BCL11A: variants seen among roughly 807,000 people sequenced by gnomAD.
BCL11A encodes the protein BCL11 transcription factor A, also known as B cell CLL/lymphoma 11A.
A neutral mutation model predicts 55.9 loss-of-function variants in BCL11A; 2 were observed. The observed-to-expected ratio is 0.04, with a 90% CI of 0.01 to 0.11. BCL11A has a LOEUF of 0.11. Among genes scored for constraint, BCL11A ranks in the 10% least tolerant of loss-of-function variants. BCL11A has a pLI of 1.00. For synonymous variants in BCL11A, 465 were observed against 473.4 expected (o/e 0.98, Z 0.23); for missense variants, 817 against 1,137.1 (o/e 0.72, Z 4.05).
chr2:60,552,398 C>T (rs752796398), intron 1 of BCL11A, among the ~76,000 whole-genome samples: 23 of 152,120 alleles, frequency 1.5e-4, no homozygotes, highest in South Asian at 4.1e-4. Flanking sequence ...GCCGCCTCCT[C>T]CCCCGGCCCT....
rs1203910874 is a variant in BCL11A at position 60,461,613 on chromosome 2, G to A, written c.1299C>T (p.Pro433=). Residue 433 remains proline, a synonymous_variant, in exon 4 of 4, where the codon CCC becomes CCT. Transcript: ENST00000642384. ...GACCGTCGTCGGACTTGACCGTCAT[G>A]GGGGACGATTTGTGCATGTGCGTCT... ...HMKTHMHKSS[P]MTVKSDDGLS... The A allele has an allele frequency of 3.1e-6, 5 of 1,613,626 alleles. No individual in the cohort carries two copies. The highest frequency in any genetic ancestry group is 4.2e-6 in the Non-Finnish European group (5 of 1,180,038).
chr2:60,532,303 G>T (rs1482708653), intron 2 of BCL11A, among the ~76,000 whole-genome samples: 3 of 149,454 alleles, frequency 2.0e-5, no homozygotes, highest in African/African-American at 7.4e-5. Flanking sequence ...GCGTCAGAAG[G>T]TGGTTGTTGC....
Position 60,461,267 on chromosome 2 carries a change from C to G in BCL11A, c.1645G>C (p.Gly549Arg). ...ESRALPDVMQ[G>R]MVLSSMQHFS... is the part of the protein sequence containing the mutation. ...TGCTGCATGGAGCTGAGCACCATGC[C>G]CTGCATGACGTCGGGCAGGGCGCGG... The change falls in exon 4 of 4, where the codon GGC (glycine) becomes CGC (arginine). Residue 549 changes from glycine (G) to arginine (R), a missense_variant. Gly to Arg is a moderately radical substitution (Grantham distance 125). Around this residue, in one of 4 missense-constraint regions of BCL11A, gnomAD observed 379 missense variants for 425.3 expected, o/e 0.89. Transcript: ENST00000642384. 6.2e-7 allele frequency: 1 copy of G among 1,607,554 alleles called. No individual in the cohort carries two copies. Among genetic ancestry groups the G allele is most frequent in the Non-Finnish European group, 8.5e-7 (1 of 1,179,624 alleles).
intron 2 of BCL11A, among the ~76,000 whole-genome samples, chr2:60,509,798 C>T (rs930774170): frequency 1.9e-4 from 29 of 152,290 alleles, no homozygotes; most frequent in African/African-American, 6.5e-4. Context: ...TTTCCCCTCA[C>T]GATCTTCCTG....
At chr2:60,500,428 C>G (rs1250750322) in intron 2 of BCL11A, among the ~76,000 whole-genome samples, 1 of 152,184 alleles carries the variant, frequency 6.6e-6, no homozygotes, top group African/African-American at 2.4e-5. Context: ...CAGGGAGCAG[C>G]TGGGGGCCTG....
intron 1 of BCL11A, among the ~76,000 whole-genome samples, chr2:60,552,745 G>T (rs1272449648): frequency 1.3e-5 from 2 of 151,998 alleles, no homozygotes; most frequent in African/African-American, 4.8e-5. Context: ...TCGTTTTTTA[G>T]ACTTGTACTC....
intron 2 of BCL11A, among the ~76,000 whole-genome samples, chr2:60,488,428 G>T (rs111947629): frequency 2.6e-5 from 4 of 152,208 alleles, no homozygotes; most frequent in African/African-American, 9.7e-5. Flanking sequence ...GCCATAACAG[G>T]ATTACAGCAA....
At chr2:60,531,513 T>A (rs779753642) in intron 2 of BCL11A, among the ~76,000 whole-genome samples, 1 of 152,166 alleles carries the variant, frequency 6.6e-6, no homozygotes, top group Non-Finnish European at 1.5e-5. Flanking sequence ...ATTAATAAAA[T>A]ACATAATAAA....
At chr2:60,482,211 G>T (rs865838401) in intron 2 of BCL11A, among the ~76,000 whole-genome samples, 1 of 151,880 alleles carries the variant, frequency 6.6e-6, no homozygotes, top group South Asian at 2.1e-4. Context: ...TTTTTTGTTC[G>T]GGTTGTGGTT....
chr2:60,541,791 T>C (rs1284555627), intron 2 of BCL11A: 2 of 579,900 alleles, frequency 3.4e-6, no homozygotes, highest in Non-Finnish European at 6.2e-6. Flanking sequence ...ACTTCAGAAG[T>C]CAGTCGTTTT....
chr2:60,533,659 T>C (rs1669552447), intron 2 of BCL11A: 1 of 152,170 alleles, frequency 6.6e-6, no homozygotes, highest in Non-Finnish European at 1.5e-5. Flanking sequence ...GTGGAATCAA[T>C]TATGCATGCA....
chr2:60,535,635 G>C (rs1329127202), intron 2 of BCL11A: 1 of 152,278 alleles, frequency 6.6e-6, no homozygotes, highest in Non-Finnish European at 1.5e-5. Context: ...ATTAATTTTA[G>C]AAGTTTCTGC....
At chr2:60,454,801 G>A (rs1405535116), downstream of BCL11A, among the ~76,000 whole-genome samples, 1 of 152,100 alleles carries the variant, frequency 6.6e-6, no homozygotes, top group African/African-American at 2.4e-5. Flanking sequence ...TTATACCTAA[G>A]CCATCTCCCG....
intron 2 of BCL11A, among the ~76,000 whole-genome samples, chr2:60,493,870 G>A (rs1459318741): frequency 2.0e-5 from 3 of 152,178 alleles, no homozygotes; most frequent in Non-Finnish European, 4.4e-5. Context: ...TCATCAGCTT[G>A]GCCATGGCAG....
At chr2:60,524,731 G>T (rs928823536) in intron 2 of BCL11A, 3 of 152,102 alleles carry the variant, frequency 2.0e-5, no homozygotes, top group Admixed American at 2.0e-4. Context: ...GAGCACATGG[G>T]ATAATAAAAG....
intron 2 of BCL11A, among the ~76,000 whole-genome samples, chr2:60,510,875 C>A (rs1225457257): frequency 6.6e-6 from 1 of 152,208 alleles, no homozygotes; most frequent in Non-Finnish European, 1.5e-5. Flanking sequence ...AGAGCTTTTG[C>A]ATTATAATGT....
At chr2:60,465,393 G>A (rs941029813) in intron 3 of BCL11A, among the ~76,000 whole-genome samples, 3 of 152,150 alleles carry the variant, frequency 2.0e-5, no homozygotes, top group South Asian at 2.1e-4. Flanking sequence ...GGGCATTTAC[G>A]GGGATTGTTT....
chr2:60,506,651 C>T (rs1160131680), intron 2 of BCL11A, among the ~76,000 whole-genome samples: 3 of 152,228 alleles, frequency 2.0e-5, no homozygotes, highest in Non-Finnish European at 4.4e-5. Flanking sequence ...AGAAAACGAC[C>T]GTGCCCAGCA....
At chr2:60,540,759 C>T (rs765096227) in intron 2 of BCL11A, among the ~76,000 whole-genome samples, 1 of 152,140 alleles carries the variant, frequency 6.6e-6, no homozygotes, top group Non-Finnish European at 1.5e-5. Context: ...CTGAAGGTTG[C>T]CTGTCCTGAC....
Sources: gnomAD v4.1 joint callset for allele counts (sites outside exome capture counted in the v4.1 genomes callset) on GRCh38, gnomAD v4.1.1 for gene constraint, gnomAD v4.1.1 regional missense constraint, MANE v1.5 for transcripts, NCBI Gene and HGNC (gene_info 2026-07-23, HGNC 2026-07-21) for gene names.